The following CHST9 variants were observed in gnomAD, a reference collection of about 807,000 sequenced individuals.
The protein encoded by CHST9 is carbohydrate sulfotransferase 9.
A neutral mutation model predicts 44.4 loss-of-function variants in CHST9; 41 were observed. That is an observed-to-expected ratio of 0.92 (90% CI 0.72 to 1.20). CHST9 has a LOEUF of 1.20. Ranked by LOEUF, CHST9 falls within the 50% of genes most tolerant of loss-of-function variation. CHST9 has a pLI of 0.00. For synonymous variants in CHST9, 171 were observed against 178.4 expected (o/e 0.96, Z 0.33); for missense variants, 504 against 516.5 (o/e 0.98, Z 0.23).
chr18:27,170,036 A>G (rs73406651), intron 1 of CHST9, among the ~76,000 whole-genome samples: 3,236 of 152,336 alleles, frequency 0.021, 109 homozygotes, highest in African/African-American at 0.072. Flanking sequence ...AGGCAGGTAC[A>G]TATGCAAAAC....
chr18:27,021,633 T>A (rs1452861210), intron 4 of CHST9, among the ~76,000 whole-genome samples: 2 of 152,178 alleles, frequency 1.3e-5, no homozygotes, highest in Non-Finnish European at 2.9e-5. Flanking sequence ...TATTTTTCCA[T>A]GTCTCTTTCT....
intron 3 of CHST9, among the ~76,000 whole-genome samples, chr18:27,036,406 G>T (rs570873253): frequency 6.6e-6 from 1 of 152,292 alleles, no homozygotes; most frequent in East Asian, 1.9e-4. Context: ...AGACCTCTGG[G>T]AATACAATGT....
At chr18:27,155,816 C>T (rs980449509) in intron 1 of CHST9, among the ~76,000 whole-genome samples, 1 of 151,910 alleles carries the variant, frequency 6.6e-6, no homozygotes, top group Admixed American at 6.6e-5. Context: ...ATAATCCAAG[C>T]ATGATTAAAT....
At chr18:26,959,319 GA>G (rs1320137480) in intron 4 of CHST9, among the ~76,000 whole-genome samples, 6 of 152,200 alleles carry the variant, frequency 3.9e-5, no homozygotes, top group African/African-American at 1.4e-4. Context: ...CCACTAGAGG[GA>G]GGAGTGATGG....
At chr18:27,135,991 G>A (rs1282517537) in intron 2 of CHST9, among the ~76,000 whole-genome samples, 1 of 152,086 alleles carries the variant, frequency 6.6e-6, no homozygotes, top group Non-Finnish European at 1.5e-5. Flanking sequence ...TATAATCCCT[G>A]GATCTGCAGC....
rs187888485 is a variant in CHST9, at chr18:27,151,135, A to G, written c.-96-8230T>C. 9.1e-3 allele frequency among the ~76,000 whole-genome samples: 1,392 copies of G among 152,272 alleles called. 83 individuals are homozygous for G. Among genetic ancestry groups the G allele is most frequent in the Admixed American group, 0.083 (1,266 of 15,266 alleles). On this transcript the variant is annotated intron_variant, in intron 1 of 5. Coordinates refer to ENST00000618847, the MANE Select transcript of CHST9 (RefSeq NM_031422.6). ...TAAATTGTTTTTAATTAAATGAAGA[A>G]TGTGACCTTTATCATTTATTATTTC... is the stretch of plus-strand genomic sequence containing the variant.
chr18:27,152,185 AATTT>A (rs1216458590), intron 1 of CHST9, among the ~76,000 whole-genome samples: 1 of 152,108 alleles, frequency 6.6e-6, no homozygotes, highest in Non-Finnish European at 1.5e-5. Flanking sequence ...TTTTCTCTAT[AATTT>A]ATTTAACAGG....
intron 2 of CHST9, among the ~76,000 whole-genome samples, chr18:27,060,593 G>GT (rs1453089445): frequency 6.6e-6 from 1 of 152,140 alleles, no homozygotes; most frequent in East Asian, 1.9e-4. Flanking sequence ...ATTTGGCATT[G>GT]TCAGGGAAGG....
intron 2 of CHST9, among the ~76,000 whole-genome samples, chr18:27,061,540 T>A (rs921770902): frequency 1.3e-5 from 2 of 152,126 alleles, no homozygotes; most frequent in African/African-American, 4.8e-5. Flanking sequence ...ACACCTTTCC[T>A]AGACCATGCA....
chr18:27,080,045 G>A (rs1260178140), intron 2 of CHST9, among the ~76,000 whole-genome samples: 1 of 152,076 alleles, frequency 6.6e-6, no homozygotes, highest in Admixed American at 6.5e-5. Flanking sequence ...GATATCTTTG[G>A]GAGCCCTTAT....
At chr18:27,111,916 C>T (rs1400084444) in intron 2 of CHST9, among the ~76,000 whole-genome samples, 4 of 152,106 alleles carry the variant, frequency 2.6e-5, no homozygotes, top group African/African-American at 9.7e-5. Context: ...GAATCTACAC[C>T]ATTGGCTTTC....
At chr18:26,947,975 T>C (rs933282937) in intron 4 of CHST9, among the ~76,000 whole-genome samples, 11 of 152,144 alleles carry the variant, frequency 7.2e-5, no homozygotes, top group Non-Finnish European at 1.3e-4. Flanking sequence ...CTGTTCACAA[T>C]AGCAAAGACT....
At chr18:27,092,969 T>C (rs1479512362) in intron 2 of CHST9, among the ~76,000 whole-genome samples, 1 of 152,222 alleles carries the variant, frequency 6.6e-6, no homozygotes, top group Non-Finnish European at 1.5e-5. Flanking sequence ...GTCCGCTTGG[T>C]GCAGTCAGGT....
intron 2 of CHST9, among the ~76,000 whole-genome samples, chr18:27,134,983 T>C (rs1050462265): frequency 2.0e-5 from 3 of 152,202 alleles, no homozygotes; most frequent in Non-Finnish European, 2.9e-5. Flanking sequence ...ATGCTGGCTA[T>C]AGTTAATAAC....
intron 2 of CHST9, among the ~76,000 whole-genome samples, chr18:27,064,765 TG>T (rs1163452724): frequency 1.3e-5 from 2 of 152,242 alleles, no homozygotes; most frequent in African/African-American, 4.8e-5. Flanking sequence ...GGACACTGCT[TG>T]GGGTGAGGCT....
intron 4 of CHST9, among the ~76,000 whole-genome samples, chr18:26,969,173 T>G (rs2056505677): frequency 6.6e-6 from 1 of 152,080 alleles, no homozygotes; most frequent in Admixed American, 6.5e-5. Context: ...TAATTTATTT[T>G]TTGTACTTTT....
chr18:26,955,333 T>C (rs1419276748), intron 4 of CHST9, among the ~76,000 whole-genome samples: 2 of 152,174 alleles, frequency 1.3e-5, no homozygotes, highest in South Asian at 2.1e-4. Context: ...GAGTTAATTC[T>C]ACATAACTTA....
rs972251620 is a variant in CHST9, at chr18:27,129,420, C to G, written c.121+13269G>C. On this transcript the variant is annotated intron_variant, in intron 2 of 5. Transcript: ENST00000618847. ...TTTTAGATAGTGTTGCTCTGTCACC[C>G]AGGCTGGCGTGCAGTGCAGTGCAGT... is the stretch of plus-strand genomic sequence containing the variant. 2.0e-5 allele frequency among the ~76,000 whole-genome samples: 3 copies of G among 151,830 alleles called. No individual in the cohort carries two copies. In the South Asian group the frequency reaches 6.2e-4, roughly 32 times the overall value.
At chr18:27,071,057 G>A (rs1251815008) in intron 2 of CHST9, among the ~76,000 whole-genome samples, 1 of 152,074 alleles carries the variant, frequency 6.6e-6, no homozygotes, top group Non-Finnish European at 1.5e-5. Flanking sequence ...CTGCCAACTG[G>A]CGCTAGTTTC....
Sources: gnomAD v4.1 joint callset for allele counts (sites outside exome capture counted in the v4.1 genomes callset) on GRCh38, gnomAD v4.1.1 for gene constraint, MANE v1.5 for transcripts, NCBI Gene and HGNC (gene_info 2026-07-23, HGNC 2026-07-21) for gene names.